TSPAN12: variants seen among roughly 807,000 people sequenced by gnomAD.
TSPAN12 encodes the protein tetraspanin-12.
TSPAN12 carries 19 observed loss-of-function variants against 39.2 expected under a neutral mutation model. That is an observed-to-expected ratio of 0.49 (90% CI 0.34 to 0.71). The LOEUF (loss-of-function observed/expected upper bound fraction) is 0.71. Ranked by LOEUF, TSPAN12 falls within the 30% of genes least tolerant of loss-of-function variation. TSPAN12 has a pLI of 0.01. For missense variants in TSPAN12, 314 were observed against 359.9 expected (o/e 0.87, Z 1.03); for synonymous variants, 119 against 124.8 (o/e 0.95, Z 0.31).
At position 120,788,597 on chromosome 7, in the gene TSPAN12, ACTC is replaced by A. The variant is rs750963703; in HGVS notation, c.910_912del (p.Glu304del). On this transcript the variant is annotated inframe_deletion, in exon 8 of 8. Coordinates refer to ENST00000222747, the MANE Select transcript of TSPAN12 (RefSeq NM_012338.4). Reference sequence around the variant, plus strand: ...TTCTTCTGTGACATTTCTTTTTATAACTCCTCCATCTCAAAGTGTGTATTAAAG... The same window carrying A: ...TTCTTCTGTGACATTTCTTTTTATAACTCCATCTCAAAGTGTGTATTAAAG... 6.2e-7 allele frequency: 1 copy of A among 1,613,890 alleles called. No individual in the cohort carries two copies. Among genetic ancestry groups the A allele is most frequent in the African/African-American group, 1.3e-5 (1 of 74,870 alleles).
intron 7 of TSPAN12, among the ~76,000 whole-genome samples, chr7:120,798,527 G>A (rs41628): frequency 0.59 from 89,304 of 151,744 alleles, 28,474 homozygotes; most frequent in South Asian, 0.77. Flanking sequence ...GTTTATCTGA[G>A]AACAAAGTTT....
At chr7:120,797,662 G>C (rs1012221654) in intron 7 of TSPAN12, among the ~76,000 whole-genome samples, 1 of 152,140 alleles carries the variant, frequency 6.6e-6, no homozygotes, top group Non-Finnish European at 1.5e-5. Flanking sequence ...ACTCCCTTCA[G>C]TAAATGGCTT....
At chr7:120,857,046 GA>G (rs1207260863) in intron 1 of TSPAN12, 2 of 520,812 alleles carry the variant, frequency 3.8e-6, no homozygotes, top group Non-Finnish European at 7.0e-6. Context: ...CACCTGCTGG[GA>G]AAAGAAAAGA....
chr7:120,820,294 T>C (rs1016325164), intron 4 of TSPAN12, among the ~76,000 whole-genome samples: 1 of 152,304 alleles, frequency 6.6e-6, no homozygotes, highest in Non-Finnish European at 1.5e-5. Context: ...TCAGTTTGCT[T>C]ATCTGCCTGA....
At position 120,806,335 on chromosome 7, in the gene TSPAN12, G is replaced by A. The variant is rs150912831; in HGVS notation, c.612+214C>T. Among the ~76,000 whole-genome samples, 551 of 151,844 alleles carry A rather than the reference G, an allele frequency of 3.6e-3. 3 individuals are homozygous for A. Among genetic ancestry groups the A allele is most frequent in the African/African-American group, 0.012 (509 of 41,390 alleles). The stretch of plus-strand genomic sequence containing the variant: ...CAAAATCCAATTAATTACAAAACCT[G>A]GTCTTTCCCACTTCCCTTTATTAAA... On this transcript the variant is annotated intron_variant, in intron 7 of 7. Coordinates refer to ENST00000222747, the MANE Select transcript of TSPAN12 (RefSeq NM_012338.4).
At chr7:120,836,877 T>A (rs1308720454) in intron 4 of TSPAN12, among the ~76,000 whole-genome samples, 1 of 152,228 alleles carries the variant, frequency 6.6e-6, no homozygotes, top group Non-Finnish European at 1.5e-5. Flanking sequence ...CCTAAGGGAA[T>A]GCATAAAGAG....
chr7:120,820,968 A>AACGG (rs370165020), intron 4 of TSPAN12, among the ~76,000 whole-genome samples: 24 of 152,210 alleles, frequency 1.6e-4, no homozygotes, highest in African/African-American at 5.8e-4. Flanking sequence ...TTAAACATTT[A>AACGG]ACACAATTTA....
intron 7 of TSPAN12, among the ~76,000 whole-genome samples, chr7:120,793,766 C>T (rs1275952460): frequency 6.6e-6 from 1 of 152,170 alleles, no homozygotes; most frequent in African/African-American, 2.4e-5. Context: ...TTAACTTATG[C>T]CCTTGCATAT....
intron 7 of TSPAN12, among the ~76,000 whole-genome samples, chr7:120,805,501 A>C (rs1793854317): frequency 6.6e-6 from 1 of 152,140 alleles, no homozygotes; most frequent in Non-Finnish European, 1.5e-5. Context: ...TTATAGCCCT[A>C]CTATATATAC....
intron 2 of TSPAN12, among the ~76,000 whole-genome samples, chr7:120,856,220 T>C (rs1290438811): frequency 6.6e-6 from 1 of 152,210 alleles, no homozygotes; most frequent in Non-Finnish European, 1.5e-5. Flanking sequence ...TCAGCCTTTC[T>C]GTGATAGGTT....
intron 2 of TSPAN12, among the ~76,000 whole-genome samples, chr7:120,840,961 G>A (rs904948857): frequency 6.6e-6 from 1 of 152,116 alleles, no homozygotes. Context: ...ATCATTTAAG[G>A]CTCAAAAAAA....
intron 1 of TSPAN12, 161 bp from the exon 2 acceptor site, chr7:120,856,994 T>C (rs1431124837): frequency 1.0e-5 from 6 of 600,136 alleles, no homozygotes; most frequent in Admixed American, 2.8e-5. Context: ...AAAATCATAA[T>C]GGTAACTAAA....
chr7:120,802,504 T>C (rs1793793305), intron 7 of TSPAN12, among the ~76,000 whole-genome samples: 1 of 152,188 alleles, frequency 6.6e-6, no homozygotes, highest in African/African-American at 2.4e-5. Flanking sequence ...TTATTTTCTA[T>C]TGCTGTTTTT....
At chr7:120,852,069 T>A (rs73427818) in intron 2 of TSPAN12, among the ~76,000 whole-genome samples, 3 of 152,228 alleles carry the variant, frequency 2.0e-5, no homozygotes, top group Admixed American at 6.5e-5. Flanking sequence ...TTACATTTTT[T>A]AAAAAGTACT....
At chr7:120,814,738 C>T (rs891853911) in intron 5 of TSPAN12, among the ~76,000 whole-genome samples, 3 of 152,142 alleles carry the variant, frequency 2.0e-5, no homozygotes, top group African/African-American at 4.8e-5. Context: ...ATGTTATGCT[C>T]GTTTATGCTA....
At chr7:120,834,058 C>T (rs1335124530) in intron 4 of TSPAN12, among the ~76,000 whole-genome samples, 3 of 152,142 alleles carry the variant, frequency 2.0e-5, no homozygotes, top group African/African-American at 7.2e-5. Context: ...TTTAATTATT[C>T]TTAAACCCCT....
chr7:120,806,778 T>G, intron 6 of TSPAN12, 86 bp from the exon 7 acceptor site: 1 of 1,546,562 alleles, frequency 6.5e-7, no homozygotes, highest in East Asian at 2.4e-5. Flanking sequence ...TTTTTAAAAT[T>G]TTTGTACCCA....
intron 4 of TSPAN12, among the ~76,000 whole-genome samples, chr7:120,829,228 T>C: frequency 6.6e-6 from 1 of 152,206 alleles, no homozygotes; most frequent in South Asian, 2.1e-4. Flanking sequence ...CTGAGCCTAT[T>C]ACCTTTTCTC....
At chr7:120,838,325 C>T (rs1394718463) in intron 4 of TSPAN12, among the ~76,000 whole-genome samples, 2 of 152,164 alleles carry the variant, frequency 1.3e-5, no homozygotes, top group African/African-American at 4.8e-5. Flanking sequence ...AACTGAGACT[C>T]GCTTATGTTC....
Sources: gnomAD v4.1 joint callset for allele counts (sites outside exome capture counted in the v4.1 genomes callset) on GRCh38, gnomAD v4.1.1 for gene constraint, MANE v1.5 for transcripts, NCBI Gene and HGNC (gene_info 2026-07-23, HGNC 2026-07-21) for gene names.